TCF4: variants seen among roughly 807,000 people sequenced by gnomAD.
TCF4 encodes the protein SL3-3 enhancer factor 2.
In TCF4, 3 loss-of-function variants were observed where a neutral mutation model predicts 82.1. That is an observed-to-expected ratio of 0.04 (90% CI 0.02 to 0.09). The LOEUF is 0.09. TCF4 is among the 10% of genes least tolerant of loss of function. The pLI, the probability that TCF4 is intolerant of heterozygous loss-of-function variation, is 1.00. For missense variants in TCF4, 518 were observed against 852.7 expected, an observed-to-expected ratio of 0.61 and a Z score of 4.89; for synonymous variants, 276 against 309.6, an observed-to-expected ratio of 0.89 and a Z score of 1.14.
chr18:55,575,886 G>A (rs531755579), intron 3 of TCF4, among the ~76,000 whole-genome samples: 5 of 152,180 alleles, frequency 3.3e-5, no homozygotes, highest in African/African-American at 4.8e-5. Context: ...CTAAGATCAC[G>A]GTATCTCCGG....
intron 8 of TCF4, among the ~76,000 whole-genome samples, chr18:55,323,696 C>A (rs1194448807): frequency 1.3e-5 from 2 of 152,186 alleles, no homozygotes; most frequent in African/African-American, 4.8e-5. Context: ...CTGCTTAATA[C>A]ACAAGGCCAG....
rs118000250 is a variant in TCF4, at chr18:55,488,269, G to A, written c.146-24132C>T. 3.5e-3 allele frequency among the ~76,000 whole-genome samples: 528 copies of A among 152,214 alleles called. 1 individual carries two copies. The highest frequency in any genetic ancestry group is 6.2e-3 in the African/African-American group (257 of 41,532). ...ACACATACATTCCGTTTTGGTGTCCGTATTTCAAGCATTTTTCAAAAATTC... is the reference window on the plus strand; with the variant it reads ...ACACATACATTCCGTTTTGGTGTCCATATTTCAAGCATTTTTCAAAAATTC... On this transcript the variant is annotated intron_variant, in intron 3 of 19. Coordinates refer to ENST00000354452, the MANE Select transcript of TCF4 (RefSeq NM_001083962.2).
chr18:55,298,362 G>T (rs1323036836), intron 8 of TCF4, among the ~76,000 whole-genome samples: 1 of 152,152 alleles, frequency 6.6e-6, no homozygotes, highest in East Asian at 1.9e-4. Flanking sequence ...GGGCTGAGAA[G>T]ATTCAAAACA....
chr18:55,286,213 T>C (rs2063634440), intron 8 of TCF4, among the ~76,000 whole-genome samples: 1 of 152,072 alleles, frequency 6.6e-6, no homozygotes, highest in Non-Finnish European at 1.5e-5. Context: ...CTGTAGTTTT[T>C]ACAATACTGA....
At chr18:55,321,905 C>T in intron 8 of TCF4, 1 of 1,405,458 alleles carries the variant, frequency 7.1e-7, no homozygotes, top group Non-Finnish European at 9.2e-7. Flanking sequence ...GCGGGGGAGG[C>T]CGCGGCGCTG....
At chr18:55,512,948 A>G (rs1355426601) in intron 3 of TCF4, among the ~76,000 whole-genome samples, 6 of 152,152 alleles carry the variant, frequency 3.9e-5, no homozygotes, top group Admixed American at 3.9e-4. Flanking sequence ...AGCAAATAAC[A>G]CTGAAGAAAG....
intron 3 of TCF4, among the ~76,000 whole-genome samples, chr18:55,504,616 C>T (rs188712378): frequency 3.3e-5 from 5 of 152,194 alleles, no homozygotes; most frequent in East Asian, 1.9e-4. Context: ...ACTGTATTGC[C>T]GAACATTGGT....
In TCF4 at chr18:55,481,247, C is replaced by T. The variant is rs565289974; in HGVS notation, c.146-17110G>A. On this transcript the variant is annotated intron_variant, in intron 3 of 19. Coordinates refer to ENST00000354452, the MANE Select transcript of TCF4 (RefSeq NM_001083962.2). Reference sequence around the variant, plus strand: ...TCAATTTTGTAACACACTGGTAACTCGGAACTGGCACAATGTTGGAAGTAT... The same window carrying T: ...TCAATTTTGTAACACACTGGTAACTTGGAACTGGCACAATGTTGGAAGTAT... 9.9e-5 allele frequency among the ~76,000 whole-genome samples: 15 copies of T among 152,116 alleles called. No homozygotes were observed. The East Asian group carries it at 1.4e-3, about 14-fold the overall frequency.
chr18:55,536,484 A>C (rs2097115567), intron 3 of TCF4, among the ~76,000 whole-genome samples: 1 of 152,220 alleles, frequency 6.6e-6, no homozygotes, highest in South Asian at 2.1e-4. Context: ...CCATCCTAAA[A>C]GCATACTTTC....
At chr18:55,272,297 T>C (rs929812611) in intron 10 of TCF4, among the ~76,000 whole-genome samples, 8 of 152,150 alleles carry the variant, frequency 5.3e-5, no homozygotes, top group African/African-American at 1.7e-4. Context: ...TTAAAAACTA[T>C]CTTGAAAACT....
chr18:55,524,106 G>C (rs1472657350), intron 3 of TCF4, among the ~76,000 whole-genome samples: 1 of 152,040 alleles, frequency 6.6e-6, no homozygotes, highest in Non-Finnish European at 1.5e-5. Context: ...TCTACAGTGT[G>C]AATAGACCTA....
intron 3 of TCF4, among the ~76,000 whole-genome samples, chr18:55,580,378 G>C (rs980950555): frequency 1.3e-5 from 2 of 151,794 alleles, no homozygotes; most frequent in Non-Finnish European, 2.9e-5. Context: ...AATACATCAG[G>C]CTTGGTTACC....
At chr18:55,604,195 A>C (rs1408094842) in intron 2 of TCF4, among the ~76,000 whole-genome samples, 3 of 152,134 alleles carry the variant, frequency 2.0e-5, no homozygotes, top group Non-Finnish European at 4.4e-5. Flanking sequence ...ATTGAGGGAA[A>C]GTTTTAACTC....
At chr18:55,390,206 C>T (rs1456347390) in intron 6 of TCF4, among the ~76,000 whole-genome samples, 1 of 146,788 alleles carries the variant, frequency 6.8e-6, no homozygotes, top group Non-Finnish European at 1.5e-5. Flanking sequence ...AATCCCAGCA[C>T]TTTGGGAGGC....
intron 17 of TCF4, 58 bp from the exon 18 acceptor site, chr18:55,229,134 A>T (rs1177288858): frequency 7.6e-6 from 12 of 1,586,082 alleles, no homozygotes; most frequent in Non-Finnish European, 1.0e-5. Flanking sequence ...GAAGGTGTCT[A>T]CATTACTTTG....
intron 8 of TCF4, among the ~76,000 whole-genome samples, chr18:55,330,035 C>A (rs775297096): frequency 9.2e-5 from 14 of 152,134 alleles, no homozygotes; most frequent in Non-Finnish European, 1.3e-4. Flanking sequence ...GGGTCTGGAC[C>A]TGTATCTACT....
At chr18:55,463,931 T>A (rs1233924317) in intron 4 of TCF4, 145 bp downstream of exon 4, 15 of 843,484 alleles carry the variant, frequency 1.8e-5, no homozygotes, top group Non-Finnish European at 2.9e-5. Context: ...TTTGTGTGCG[T>A]GTGCATGCCC....
chr18:55,421,060 AC>A (rs1569448380), intron 5 of TCF4, among the ~76,000 whole-genome samples: 1 of 152,142 alleles, frequency 6.6e-6, no homozygotes, highest in Non-Finnish European at 1.5e-5. Context: ...CAGTTTGCCC[AC>A]ACAAAAAAAG....
intron 3 of TCF4, among the ~76,000 whole-genome samples, chr18:55,568,128 T>A (rs2097425940): frequency 6.9e-6 from 1 of 145,688 alleles, no homozygotes; most frequent in African/African-American, 2.5e-5. Flanking sequence ...AAAAAGAAAT[T>A]ATGATAAATT....
Sources: allele counts gnomAD v4.1 joint callset (sites outside exome capture counted in the v4.1 genomes callset), GRCh38; gene constraint gnomAD v4.1.1; transcripts MANE v1.5; gene names NCBI Gene and HGNC (gene_info 2026-07-23, HGNC 2026-07-21).